The following GRM8 variants were observed in gnomAD, a reference collection of about 807,000 sequenced individuals.
GRM8 encodes metabotropic glutamate receptor 8.
Under a neutral mutation model 87.2 loss-of-function variants are expected in GRM8, and 47 were observed. That is an observed-to-expected ratio of 0.54 (90% CI 0.43 to 0.69). The LOEUF (loss-of-function observed/expected upper bound fraction) is 0.69. GRM8 is among the 30% of genes least tolerant of loss of function. The pLI is 0.00. For missense variants in GRM8, 1,019 were observed against 1,139.2 expected, an observed-to-expected ratio of 0.89 and a Z score of 1.52; for synonymous variants, 396 against 404.5, an observed-to-expected ratio of 0.98 and a Z score of 0.25.
chr7:127,017,059 C>T (rs1260399351), intron 3 of GRM8, among the ~76,000 whole-genome samples: 1 of 151,918 alleles, frequency 6.6e-6, no homozygotes, highest in Non-Finnish European at 1.5e-5. Flanking sequence ...AAAAAATTTC[C>T]ACTAATTTCT....
chr7:126,535,679 T>A (rs1313056832), intron 8 of GRM8, among the ~76,000 whole-genome samples: 1 of 152,200 alleles, frequency 6.6e-6, no homozygotes, highest in Admixed American at 6.5e-5. Flanking sequence ...ATGGCAATGG[T>A]GGGCATGTCT....
intron 7 of GRM8, among the ~76,000 whole-genome samples, chr7:126,688,995 T>TG (rs2151361243): frequency 6.6e-6 from 1 of 152,332 alleles, no homozygotes; most frequent in South Asian, 2.1e-4. Context: ...TTTGAGCAGC[T>TG]GGCTTCCTCA....
chr7:126,985,555 A>G (rs949811008), intron 3 of GRM8, among the ~76,000 whole-genome samples: 1 of 152,162 alleles, frequency 6.6e-6, no homozygotes, highest in Non-Finnish European at 1.5e-5. Flanking sequence ...AAAATAATTT[A>G]TTTCTTACAG....
chr7:127,165,764 T>C (rs1047742912), intron 2 of GRM8, among the ~76,000 whole-genome samples: 2 of 152,136 alleles, frequency 1.3e-5, no homozygotes, highest in Non-Finnish European at 2.9e-5. Context: ...TATATCAGAG[T>C]CACTGTCACT....
intron 2 of GRM8, among the ~76,000 whole-genome samples, chr7:127,182,023 A>C (rs956498120): frequency 2.0e-5 from 3 of 152,170 alleles, no homozygotes; most frequent in Admixed American, 6.5e-5. Context: ...GAGCTTTTGC[A>C]TGGCAAAAGA....
intron 3 of GRM8, among the ~76,000 whole-genome samples, chr7:127,046,858 A>C (rs996237125): frequency 6.6e-6 from 1 of 152,028 alleles, no homozygotes; most frequent in Non-Finnish European, 1.5e-5. Flanking sequence ...TTCCTGTCTT[A>C]CTCTCTTTAA....
At chr7:127,192,382 G>A (rs990096795) in intron 2 of GRM8, among the ~76,000 whole-genome samples, 1 of 152,216 alleles carries the variant, frequency 6.6e-6, no homozygotes, top group African/African-American at 2.4e-5. Context: ...GTGAGTGGAG[G>A]AAGTTACTTC....
chr7:126,460,609 A>G (rs1483188542), intron 9 of GRM8, among the ~76,000 whole-genome samples: 2 of 151,522 alleles, frequency 1.3e-5, no homozygotes, highest in Non-Finnish European at 3.0e-5. Context: ...TTGTTGCACA[A>G]TCTTATCTAC....
chr7:126,551,681 C>G (rs565041292), intron 8 of GRM8, among the ~76,000 whole-genome samples: 4 of 134,718 alleles, frequency 3.0e-5, no homozygotes, highest in Non-Finnish European at 6.8e-5. Flanking sequence ...GGCAACCATA[C>G]GTAATTTTTT....
At chr7:126,663,539 C>G (rs890130825) in intron 7 of GRM8, among the ~76,000 whole-genome samples, 1 of 152,072 alleles carries the variant, frequency 6.6e-6, no homozygotes, top group African/African-American at 2.4e-5. Context: ...TTTTTAAAAC[C>G]ACATGTAATC....
intron 7 of GRM8, among the ~76,000 whole-genome samples, chr7:126,613,776 A>G (rs1469306369): frequency 1.3e-5 from 2 of 152,134 alleles, no homozygotes; most frequent in African/African-American, 4.8e-5. Flanking sequence ...AGCCTCACTC[A>G]TTGCTAGCAC....
intron 2 of GRM8, among the ~76,000 whole-genome samples, chr7:127,212,699 G>A (rs1039851797): frequency 6.6e-6 from 1 of 152,174 alleles, no homozygotes; most frequent in African/African-American, 2.4e-5. Context: ...TTACAGGCGT[G>A]AGCCACCGCG....
At chr7:127,170,523 A>G (rs1331535536) in intron 2 of GRM8, among the ~76,000 whole-genome samples, 1 of 152,238 alleles carries the variant, frequency 6.6e-6, no homozygotes, top group Non-Finnish European at 1.5e-5. Flanking sequence ...TCATTACATA[A>G]AAAAGATGCT....
At chr7:126,513,635 T>C (rs1244761304) in intron 9 of GRM8, among the ~76,000 whole-genome samples, 1 of 152,162 alleles carries the variant, frequency 6.6e-6, no homozygotes, top group African/African-American at 2.4e-5. Context: ...TGACACAGCA[T>C]ACATTTCCCT....
intron 2 of GRM8, among the ~76,000 whole-genome samples, chr7:127,149,505 G>T (rs1828731354): frequency 6.6e-6 from 1 of 152,026 alleles, no homozygotes; most frequent in Admixed American, 6.6e-5. Flanking sequence ...GAATATGGAG[G>T]TTTCTAAAGA....
chr7:126,776,683 A>G (rs568879700), intron 6 of GRM8, among the ~76,000 whole-genome samples: 1 of 152,302 alleles, frequency 6.6e-6, no homozygotes, highest in East Asian at 1.9e-4. Context: ...TTGCAGTAAA[A>G]CCAACGGCCT....
intron 8 of GRM8, among the ~76,000 whole-genome samples, chr7:126,568,732 G>A (rs1423899917): frequency 6.6e-6 from 1 of 152,040 alleles, no homozygotes; most frequent in Admixed American, 6.6e-5. Context: ...AAAATAAAGG[G>A]AATGATTCTT....
chr7:127,102,058 C>A (rs12375090), intron 3 of GRM8, among the ~76,000 whole-genome samples: 1 of 152,060 alleles, frequency 6.6e-6, no homozygotes, highest in African/African-American at 2.4e-5. Context: ...TATGTCCATG[C>A]CTTAGGACTC....
At position 126,533,427 on chromosome 7, in the gene GRM8, C is replaced by T. The variant is rs182088200; in HGVS notation, c.1955G>A (p.Arg652Gln). ...APDTIICSFR[R>Q]VFLGLGMCFS... ...ACACATGCCAAGTCCTAGGAAGACC[C>T]GTCGGAAGGAGCATATGATTGTATC... The change falls in exon 9 of 11, where the codon CGG becomes CAG. Residue 652 changes from arginine (R) to glutamine (Q), a missense_variant. Physicochemically the swap from Arg to Gln is conservative, Grantham distance 43 (BLOSUM62 1). Transcript: ENST00000339582. 8 of 1,613,862 alleles carry T rather than the reference C, an allele frequency of 5.0e-6. No individual in the cohort carries two copies. The highest frequency in any genetic ancestry group is 1.7e-5 in the Admixed American group (1 of 59,990).
Sources: gnomAD v4.1 joint callset for allele counts (sites outside exome capture counted in the v4.1 genomes callset) on GRCh38, gnomAD v4.1.1 for gene constraint, MANE v1.5 for transcripts, NCBI Gene and HGNC (gene_info 2026-07-23, HGNC 2026-07-21) for gene names.